TNFRSF11A: variants seen among roughly 807,000 people sequenced by gnomAD.
TNFRSF11A encodes tumor necrosis factor receptor superfamily member 11A.
TNFRSF11A carries 32 observed loss-of-function variants against 55.7 expected under a neutral mutation model. The observed-to-expected ratio is 0.57, with a 90% confidence interval of 0.43 to 0.77. The LOEUF is 0.77. Among genes scored for constraint, TNFRSF11A ranks in the 30% least tolerant of loss-of-function variants. TNFRSF11A has a pLI of 0.00. For synonymous variants in TNFRSF11A, 311 were observed against 331.0 expected (o/e 0.94, Z 0.65); for missense variants, 753 against 809.8 (o/e 0.93, Z 0.85).
In TNFRSF11A at chr18:62,369,335, C is replaced by T; in HGVS notation, c.1418C>T (p.Ala473Val). 6.2e-7 allele frequency: 1 copy of T among 1,609,758 alleles called. No homozygotes were observed. Among genetic ancestry groups the T allele is most frequent in the Non-Finnish European group, 8.5e-7 (1 of 1,178,118 alleles). ...AAACGTGGACCCTTGCCCCAGTGCG[C>T]CTATGGCATGGGCCTTCCCCCTGAA... Reference protein sequence around the residue: ...SPKRGPLPQCAYGMGLPPEEE... With the variant: ...SPKRGPLPQCVYGMGLPPEEE... Residue 473 changes from alanine to valine, a missense_variant, in exon 9 of 10, where the codon GCC becomes GTC. Physicochemically the swap from Ala to Val is moderately conservative, Grantham distance 64. This residue lies in a region of TNFRSF11A where 567 missense variants were observed against 596.7 expected (regional missense o/e 0.95). Transcript: ENST00000586569.
intron 3 of TNFRSF11A, among the ~76,000 whole-genome samples, chr18:62,352,892 T>G (rs1422151212): frequency 1.3e-5 from 2 of 152,348 alleles, no homozygotes; most frequent in East Asian, 3.9e-4. Flanking sequence ...ACAGCGGGTT[T>G]CTGGTTTGTT....
rs777951423 is a variant in TNFRSF11A at position 62,368,730 on chromosome 18, A to G, written c.813A>G (p.Thr271=). 1.2e-6 allele frequency: 2 copies of G among 1,614,250 alleles called. No individual in the cohort carries two copies. The highest frequency in any genetic ancestry group is 1.7e-6 in the Non-Finnish European group (2 of 1,180,044). Residue 271 remains threonine, a synonymous_variant, in exon 9 of 10, where the codon ACA becomes ACG. Transcript: ENST00000586569. ...KESSGDSCVS[T]HTANFGQQGA... ...CCTCAGGTGACAGTTGTGTCAGTAC[A>G]CACACGGCAAACTTTGGTCAGCAGG...
chr18:62,383,822 T>G lies in TNFRSF11A; in HGVS notation c.1568-929T>G, dbSNP rs570704372. ...TGATTTATAGGACTTTTTTTTTCTA[T>G]TTTAGTTTTGTGAATCTGTTTTGTT... is the stretch of plus-strand genomic sequence containing the variant. On this transcript the variant is annotated intron_variant, in intron 9 of 9. Coordinates refer to ENST00000586569, the MANE Select transcript of TNFRSF11A (RefSeq NM_003839.4). The surrounding 1 kb of genome is among the most constrained non-coding windows in gnomAD (Gnocchi z 4.2). Among the ~76,000 whole-genome samples the G allele has an allele frequency of 6.6e-6, 1 of 152,136 alleles. No individual in the cohort carries two copies. The highest frequency in any genetic ancestry group is 1.9e-4 in the East Asian group (1 of 5,178).
At position 62,369,228 on chromosome 18, in the gene TNFRSF11A, C is replaced by T; in HGVS notation, c.1311C>T (p.Ser437=). 6 of 1,613,656 alleles carry T rather than the reference C, an allele frequency of 3.7e-6. No individual in the cohort carries two copies. The highest frequency in any genetic ancestry group is 5.1e-6 in the Non-Finnish European group (6 of 1,180,030). Residue 437 remains serine (S), a synonymous_variant, in exon 9 of 10, where the codon AGC becomes AGT. Coordinates refer to ENST00000586569, the MANE Select transcript of TNFRSF11A (RefSeq NM_003839.4). ...GCCATTGCCCGCACTGGGCAGCCAGCCCCAGCCCCAACTGGGCAGATGTCT... is the reference window on the plus strand; with the variant it reads ...GCCATTGCCCGCACTGGGCAGCCAGTCCCAGCCCCAACTGGGCAGATGTCT... ...DSGHCPHWAA[S]PSPNWADVCT... is the part of the protein sequence containing the mutation.
chr18:62,385,048 C>T lies in TNFRSF11A; in HGVS notation c.*14C>T. The stretch of plus-strand genomic sequence containing the variant: ...GCCAAGGCTTGAGCGCCCCCCATGG[C>T]TGGGAGCCCGAAGCTCGGAGCCAGG... On this transcript the variant is annotated 3_prime_UTR_variant, in exon 10 of 10. Coordinates refer to ENST00000586569, the MANE Select transcript of TNFRSF11A (RefSeq NM_003839.4). 2.0e-6 allele frequency: 3 copies of T among 1,464,220 alleles called. No individual in the cohort carries two copies. Among genetic ancestry groups the T allele is most frequent in the Non-Finnish European group, 2.7e-6 (3 of 1,117,482 alleles). 90.7% of individuals were successfully genotyped at this position (1,464,220 alleles called of 1,614,324 possible). A position where few individuals can be genotyped will look rare whatever the true frequency, so the allele number is the denominator to read the frequency against.
intron 1 of TNFRSF11A, among the ~76,000 whole-genome samples, chr18:62,338,942 T>G (rs983875872): frequency 3.9e-5 from 6 of 152,202 alleles, no homozygotes; most frequent in East Asian, 1.9e-4. Context: ...CGAAATGAGC[T>G]GCATTCCTGG....
In TNFRSF11A at chr18:62,361,700, G is replaced by T. The variant is rs766330561; in HGVS notation, c.637G>T (p.Gly213Cys). 4 of 1,614,016 alleles carry T rather than the reference G, an allele frequency of 2.5e-6. No homozygotes were observed. The highest frequency in any genetic ancestry group is 1.7e-6 in the Non-Finnish European group (2 of 1,179,968). ...TACAGAACCCCATGTTTACTTGCCCGGTTTAATAATTCTGCTTCTCTTCGC... is the reference window on the plus strand; with the variant it reads ...TACAGAACCCCATGTTTACTTGCCCTGTTTAATAATTCTGCTTCTCTTCGC... ...PPNEPHVYLP[G>C]LIILLLFASV... The change falls in exon 7 of 10, where the codon GGT becomes TGT. Residue 213 changes from glycine to cysteine, a missense_variant. By Grantham distance (159) the Gly-to-Cys change is radical (BLOSUM62 -3). Transcript: ENST00000586569.
chr18:62,365,659 T>C (rs1455604742), intron 7 of TNFRSF11A, among the ~76,000 whole-genome samples: 1 of 152,198 alleles, frequency 6.6e-6, no homozygotes, highest in Non-Finnish European at 1.5e-5. Flanking sequence ...AGAATGTCTA[T>C]AGTCATAGCA....
rs373719367 is a variant in TNFRSF11A, at chr18:62,332,433, G to C, written c.75+7006G>C. 5.9e-5 allele frequency among the ~76,000 whole-genome samples: 9 copies of C among 152,216 alleles called. No individual in the cohort carries two copies. The East Asian group carries it at 1.7e-3, about 29-fold the overall frequency. On this transcript the variant is annotated intron_variant, in intron 1 of 9. Transcript: ENST00000586569. ...GCAGGATCACATCTAACACTTTCAT[G>C]GTAATTGAGAATCAATTCCATTTTT...
chr18:62,360,592 G>T (rs992396657), intron 6 of TNFRSF11A, among the ~76,000 whole-genome samples: 1 of 151,980 alleles, frequency 6.6e-6, no homozygotes, highest in East Asian at 1.9e-4. Flanking sequence ...GATTACAGGC[G>T]CACACCACCA....
In TNFRSF11A at chr18:62,380,804, TC is replaced by T. The variant is rs374670317; in HGVS notation, c.1568-3946del. 7.8e-3 allele frequency among the ~76,000 whole-genome samples: 799 copies of T among 102,918 alleles called. 3 individuals are homozygous for T. The highest frequency in any genetic ancestry group is 0.018 in the African/African-American group (662 of 37,042). The allele number at this position is 102,918 out of a possible 152,430, so 67.5% of individuals were successfully genotyped here. A position where few individuals can be genotyped will look rare whatever the true frequency, so the allele number is the denominator to read the frequency against. ...CCTCACGGCCTTCCAAAAATAATAT[TC>T]TTTTTTTTTTTTTTTGAGATGGGGG... is the stretch of plus-strand genomic sequence containing the variant. On this transcript the variant is annotated intron_variant, in intron 9 of 9. Transcript: ENST00000586569.
Position 62,386,360 on chromosome 18 carries a change from A to G in TNFRSF11A, c.*1326A>G, listed in dbSNP as rs1462880276. 6.6e-6 allele frequency: 1 copy of G among 152,236 alleles called. No homozygotes were observed. Among genetic ancestry groups the G allele is most frequent in the African/African-American group, 2.4e-5 (1 of 41,446 alleles). The allele number at this position is 152,236 out of a possible 1,614,324, so 9.4% of individuals were successfully genotyped here. ...GTGCATCTGTGGGTTAGCCTTGTAG[A>G]AGTGGAAAACATTCCATTTTCCAAT... is the stretch of plus-strand genomic sequence containing the variant. On this transcript the variant is annotated 3_prime_UTR_variant, in exon 10 of 10. Transcript: ENST00000586569.
chr18:62,359,752 C>T (rs1178458738), intron 5 of TNFRSF11A, among the ~76,000 whole-genome samples: 1 of 152,188 alleles, frequency 6.6e-6, no homozygotes, highest in African/African-American at 2.4e-5. Flanking sequence ...TCAGAGAACA[C>T]AGGCAGCGTT....
chr18:62,369,801 A>G (rs139857156), intron 9 of TNFRSF11A, among the ~76,000 whole-genome samples: 2 of 152,316 alleles, frequency 1.3e-5, no homozygotes, highest in African/African-American at 2.4e-5. Context: ...CCCCGGAAAG[A>G]CAAAGTCAAC....
chr18:62,357,689 G>A (rs1909362877), intron 4 of TNFRSF11A, among the ~76,000 whole-genome samples: 1 of 152,104 alleles, frequency 6.6e-6, no homozygotes, highest in Non-Finnish European at 1.5e-5. Flanking sequence ...GTTCTTCCTC[G>A]TCTTCTTTTT....
chr18:62,348,803 C>T (rs986674449), intron 2 of TNFRSF11A, among the ~76,000 whole-genome samples: 3 of 152,188 alleles, frequency 2.0e-5, no homozygotes, highest in Non-Finnish European at 2.9e-5. Flanking sequence ...CCACGGGGCC[C>T]GCACTCTCTC....
chr18:62,371,474 T>G (rs559895861), intron 9 of TNFRSF11A, among the ~76,000 whole-genome samples: 1 of 152,314 alleles, frequency 6.6e-6, no homozygotes, highest in South Asian at 2.1e-4. Context: ...ATCTTTTATT[T>G]CTCTAGCACT....
At chr18:62,346,281 A>T (rs2046382658) in intron 1 of TNFRSF11A, among the ~76,000 whole-genome samples, 1 of 152,182 alleles carries the variant, frequency 6.6e-6, no homozygotes, top group African/African-American at 2.4e-5. Context: ...TTAGGCTCGG[A>T]TGAATCCAGC....
chr18:62,368,961 A>C lies in TNFRSF11A; in HGVS notation c.1044A>C (p.Glu348Asp). Residue 348 changes from glutamate (E) to aspartate (D), a missense_variant, in exon 9 of 10, where the codon GAA becomes GAC. This residue lies in a region of TNFRSF11A where 567 missense variants were observed against 596.7 expected (regional missense o/e 0.95). Transcript: ENST00000586569. ...DSFRQMPTED[E>D]YMDRPSQPTD... ...TCAGACAGATGCCCACAGAAGATGA[A>C]TACATGGACAGGCCCTCCCAGCCCA... The C allele has an allele frequency of 1.2e-6, 2 of 1,614,246 alleles. No homozygotes were observed. The highest frequency in any genetic ancestry group is 1.7e-6 in the Non-Finnish European group (2 of 1,180,046).
Sources: gnomAD v4.1 joint callset for allele counts (sites outside exome capture counted in the v4.1 genomes callset) on GRCh38, gnomAD v4.1.1 for gene constraint, gnomAD v4.1.1 regional missense constraint, Gnocchi (gnomAD v3.1) non-coding constraint, MANE v1.5 for transcripts, NCBI Gene and HGNC (gene_info 2026-07-23, HGNC 2026-07-21) for gene names.